Variants in CADM1 observed in about 807,000 individuals in gnomAD.
CADM1 encodes TSLC-1.
CADM1 carries 15 observed loss-of-function variants against 53.1 expected under a neutral mutation model. The ratio of observed to expected loss-of-function variants is 0.28; its 90% CI spans 0.19 to 0.44. The LOEUF (loss-of-function observed/expected upper bound fraction) is 0.44, where lower values mean the gene tolerates loss of function less well. Among genes scored for constraint, CADM1 ranks in the 20% least tolerant of loss-of-function variants. The pLI is 1.00. For synonymous variants in CADM1, 281 were observed against 243.0 expected, an observed-to-expected ratio of 1.16 and a Z score of -1.45; for missense variants, 434 against 611.3, an observed-to-expected ratio of 0.71 and a Z score of 3.06.
At chr11:115,229,369 A>G (rs1031897474) in intron 4 of CADM1, 98 bp from the exon 5 acceptor site, 6 of 1,086,260 alleles carry the variant, frequency 5.5e-6, no homozygotes, top group East Asian at 2.4e-5. Context: ...CAACATTGCT[A>G]TTTTAACAAA....
chr11:115,228,414 A>C (rs565587478), intron 5 of CADM1, among the ~76,000 whole-genome samples: 1 of 152,344 alleles, frequency 6.6e-6, no homozygotes, highest in African/African-American at 2.4e-5. Flanking sequence ...TTCAGTATGC[A>C]TACTCAAAGA....
chr11:115,385,649 A>AT (rs1946682604), intron 1 of CADM1, among the ~76,000 whole-genome samples: 1 of 147,190 alleles, frequency 6.8e-6, no homozygotes, highest in East Asian at 2.0e-4. Context: ...AAAAAAAAAA[A>AT]GCCCGCCACA....
intron 1 of CADM1, among the ~76,000 whole-genome samples, chr11:115,289,362 C>T (rs911685870): frequency 6.6e-6 from 1 of 151,428 alleles, no homozygotes; most frequent in African/African-American, 2.4e-5. Context: ...GAGATTCCAT[C>T]TCAAAAAATA....
intron 1 of CADM1, among the ~76,000 whole-genome samples, chr11:115,400,637 A>ATGTGTGTGTGTG (rs1166167079): frequency 7.0e-5 from 6 of 86,000 alleles, no homozygotes; most frequent in African/African-American, 2.5e-4. Flanking sequence ...TGTATCATAT[A>ATGTGTGTGTGTG]TATGTGTGTG....
intron 1 of CADM1, among the ~76,000 whole-genome samples, chr11:115,348,038 C>A (rs1029545139): frequency 6.6e-6 from 1 of 152,148 alleles, no homozygotes; most frequent in African/African-American, 2.4e-5. Flanking sequence ...TTCAAAAGAA[C>A]AGATTATTCA....
intron 1 of CADM1, among the ~76,000 whole-genome samples, chr11:115,275,001 A>G (rs1943405552): frequency 6.6e-6 from 1 of 152,166 alleles, no homozygotes; most frequent in Non-Finnish European, 1.5e-5. Context: ...TCAGGATTAC[A>G]TTTCAGCCAC....
intron 1 of CADM1, among the ~76,000 whole-genome samples, chr11:115,258,096 T>C (rs1565329049): frequency 6.6e-6 from 1 of 152,344 alleles, no homozygotes; most frequent in South Asian, 2.1e-4. Context: ...CCGGATAAAC[T>C]TGGGAAGGTT....
intron 1 of CADM1, among the ~76,000 whole-genome samples, chr11:115,489,548 T>A (rs1321147537): frequency 6.6e-6 from 1 of 152,214 alleles, no homozygotes; most frequent in East Asian, 1.9e-4. Context: ...GCTGAGAAAT[T>A]ATGTAAGACT....
chr11:115,338,877 A>ATTTTTTTTTT (rs56300408), intron 1 of CADM1, among the ~76,000 whole-genome samples: 4 of 127,716 alleles, frequency 3.1e-5, no homozygotes, highest in East Asian at 2.2e-4. Context: ...TATTTTTTTT[A>ATTTTTTTTTT]TTTTTTTTTT....
chr11:115,250,066 G>C (rs4936324), intron 1 of CADM1, among the ~76,000 whole-genome samples: 28,087 of 151,964 alleles, frequency 0.18, 2,743 homozygotes, highest in South Asian at 0.31. Flanking sequence ...CACCACCCTG[G>C]CTAATTTTTT....
intron 1 of CADM1, among the ~76,000 whole-genome samples, chr11:115,323,897 A>T (rs1381783167): frequency 6.6e-6 from 1 of 151,910 alleles, no homozygotes; most frequent in Non-Finnish European, 1.5e-5. Context: ...AAGGAAAAAA[A>T]AAAAAGTGGG....
At chr11:115,275,928 G>A (rs868816591) in intron 1 of CADM1, among the ~76,000 whole-genome samples, 4 of 152,148 alleles carry the variant, frequency 2.6e-5, no homozygotes, top group Middle Eastern at 3.4e-3. Flanking sequence ...AGAACATCCA[G>A]GAAACACAAA....
chr11:115,219,630 G>A (rs567730590), intron 5 of CADM1, among the ~76,000 whole-genome samples: 1 of 152,236 alleles, frequency 6.6e-6, no homozygotes, highest in South Asian at 2.1e-4. Context: ...TAACTGGGTC[G>A]GGAAGGTAGT....
chr11:115,215,374 T>C (rs1941136613), intron 6 of CADM1, among the ~76,000 whole-genome samples: 1 of 152,160 alleles, frequency 6.6e-6, no homozygotes, highest in African/African-American at 2.4e-5. Flanking sequence ...TGCATCCCCC[T>C]ACCCAGAATG....
intron 1 of CADM1, among the ~76,000 whole-genome samples, chr11:115,416,102 A>T (rs909156177): frequency 6.6e-6 from 1 of 152,236 alleles, no homozygotes; most frequent in Admixed American, 6.5e-5. Flanking sequence ...CATGCAGTTT[A>T]AATACTGTAG....
At chr11:115,500,700 C>T (rs1949709758) in intron 1 of CADM1, among the ~76,000 whole-genome samples, 1 of 152,200 alleles carries the variant, frequency 6.6e-6, no homozygotes, top group Admixed American at 6.5e-5. Context: ...ATCTCTTTCC[C>T]TTCAACCAAT....
At chr11:115,264,784 A>G (rs1307025520) in intron 1 of CADM1, among the ~76,000 whole-genome samples, 1 of 152,242 alleles carries the variant, frequency 6.6e-6, no homozygotes, top group Non-Finnish European at 1.5e-5. Flanking sequence ...GCTGTTTGAC[A>G]TTATAAGGAT....
At chr11:115,245,666 C>G (rs904992530) in intron 1 of CADM1, among the ~76,000 whole-genome samples, 1 of 152,114 alleles carries the variant, frequency 6.6e-6, no homozygotes, top group Admixed American at 6.5e-5. Context: ...GAGTTGAGTA[C>G]GTTCAGGAAA....
intron 1 of CADM1, among the ~76,000 whole-genome samples, chr11:115,329,249 C>A (rs1244871980): frequency 6.6e-6 from 1 of 152,056 alleles, no homozygotes; most frequent in Non-Finnish European, 1.5e-5. Context: ...TATATCAGTA[C>A]CCAAGATCAG....
Sources: allele counts gnomAD v4.1 joint callset (sites outside exome capture counted in the v4.1 genomes callset), GRCh38; gene constraint gnomAD v4.1.1; transcripts MANE v1.5; gene names NCBI Gene and HGNC (gene_info 2026-07-23, HGNC 2026-07-21).